CNKSR2: variants seen among roughly 807,000 people sequenced by gnomAD.
CNKSR2 encodes connector enhancer of kinase suppressor of Ras 2.
Under a neutral mutation model 84.4 loss-of-function variants are expected in CNKSR2, and 14 were observed. The ratio of observed to expected loss-of-function variants is 0.17; its 90% CI spans 0.11 to 0.26. The LOEUF is 0.26. Among genes scored for constraint, CNKSR2 ranks in the 10% least tolerant of loss-of-function variants. The pLI, the probability that CNKSR2 is intolerant of heterozygous loss-of-function variation, is 1.00. For synonymous variants in CNKSR2, 275 were observed against 277.9 expected (o/e 0.99, Z 0.10); for missense variants, 485 against 771.2 (o/e 0.63, Z 4.40).
chrX:21,376,015 A>G (rs978687688), intron 1 of CNKSR2, among the ~76,000 whole-genome samples: 1 of 111,994 alleles, frequency 8.9e-6, no homozygotes, highest in African/African-American at 3.3e-5. Flanking sequence ...ATGCGTGGCC[A>G]CACTTGGGAA....
At chrX:21,416,718 A>G (rs2090427425) in intron 1 of CNKSR2, among the ~76,000 whole-genome samples, 1 of 111,410 alleles carries the variant, frequency 9.0e-6, no homozygotes, top group Non-Finnish European at 1.9e-5. Flanking sequence ...GTTTATCAGC[A>G]TGTAGTTTCT....
At chrX:21,464,589 G>A (rs970881005) in intron 4 of CNKSR2, among the ~76,000 whole-genome samples, 1 of 111,426 alleles carries the variant, frequency 9.0e-6, no homozygotes, top group Non-Finnish European at 1.9e-5. Context: ...CCATAACTGA[G>A]ATATGGCACA....
intron 20 of CNKSR2, among the ~76,000 whole-genome samples, chrX:21,639,828 T>C (rs1356612148): frequency 9.0e-6 from 1 of 111,435 alleles, no homozygotes; most frequent in Non-Finnish European, 1.9e-5. Context: ...AAAATGCAGA[T>C]TCCTGAGTTC....
chrX:21,625,401 A>G (rs1168930422), intron 20 of CNKSR2, among the ~76,000 whole-genome samples: 2 of 112,255 alleles, frequency 1.8e-5, no homozygotes, highest in South Asian at 3.6e-4. Context: ...GTATCAAGCA[A>G]TTTGGCTGCA....
intron 13 of CNKSR2, among the ~76,000 whole-genome samples, chrX:21,575,749 T>C (rs894648793): frequency 9.0e-6 from 1 of 111,639 alleles, no homozygotes; most frequent in African/African-American, 3.3e-5. Context: ...ATACAGTCTT[T>C]AGCCAACGGA....
Position 21,399,292 on chromosome X carries a change from C to A in CNKSR2, c.64+24331C>A, listed in dbSNP as rs1202519583. Among the ~76,000 whole-genome samples the A allele has an allele frequency of 2.7e-5, 3 of 111,062 alleles. No homozygotes were observed. In the East Asian group the frequency reaches 8.5e-4, roughly 31 times the overall value. On this transcript the variant is annotated intron_variant, in intron 1 of 21. Coordinates refer to ENST00000379510, the MANE Select transcript of CNKSR2 (RefSeq NM_014927.5). Reference sequence around the variant, plus strand: ...ACTTAAAATAAGTACCTATAAAAAACAAAATCTTTAATCCAATGGCTACTT... The same window carrying A: ...ACTTAAAATAAGTACCTATAAAAAAAAAAATCTTTAATCCAATGGCTACTT...
At chrX:21,475,413 T>C (rs2091250328) in intron 5 of CNKSR2, among the ~76,000 whole-genome samples, 1 of 112,106 alleles carries the variant, frequency 8.9e-6, no homozygotes, top group Non-Finnish European at 1.9e-5. Flanking sequence ...ACAGTGCCAG[T>C]AGCCAACCAT....
At chrX:21,647,907 C>A (rs2092710544) in intron 20 of CNKSR2, among the ~76,000 whole-genome samples, 1 of 111,354 alleles carries the variant, frequency 9.0e-6, no homozygotes, top group Admixed American at 9.5e-5. Context: ...TCCAATCTAC[C>A]ACTCCAAGCA....
At chrX:21,502,864 A>G in intron 8 of CNKSR2, among the ~76,000 whole-genome samples, 1 of 111,648 alleles carries the variant, frequency 9.0e-6, no homozygotes, top group East Asian at 2.8e-4. Flanking sequence ...GAAACTGTAC[A>G]AAGTAGTTGT....
rs370499061 is a variant in CNKSR2 at position 21,555,746 on chromosome X, T to C, written c.1304-5725T>C. Among the ~76,000 whole-genome samples the C allele has an allele frequency of 3.6e-5, 4 of 111,777 alleles. No individual in the cohort carries two copies. The East Asian group carries it at 1.1e-3, about 31-fold the overall frequency. On this transcript the variant is annotated intron_variant, in intron 11 of 21. Transcript: ENST00000379510. ...TCTAGAGAAAGCTTTTTTGTGAACATTAAAGGGCATGTCAGACTTATGGAG... is the reference window on the plus strand; with the variant it reads ...TCTAGAGAAAGCTTTTTTGTGAACACTAAAGGGCATGTCAGACTTATGGAG...
intron 20 of CNKSR2, among the ~76,000 whole-genome samples, chrX:21,620,555 A>G (rs185323410): frequency 1.3e-4 from 14 of 110,887 alleles, no homozygotes; most frequent in African/African-American, 4.6e-4. Context: ...CTCTGCTTGA[A>G]TATTTTAAAG....
intron 6 of CNKSR2, chrX:21,493,868 A>G (rs2091466689): frequency 8.9e-6 from 1 of 111,934 alleles, no homozygotes; most frequent in African/African-American, 3.2e-5. Context: ...AAGCAGTTAC[A>G]ACATGGTTTA....
chrX:21,379,770 A>T (rs927815502), intron 1 of CNKSR2, among the ~76,000 whole-genome samples: 23 of 111,672 alleles, frequency 2.1e-4, no homozygotes, highest in Non-Finnish European at 4.1e-4. Flanking sequence ...TTAGGCAAAG[A>T]CAGAGAGAGG....
intron 20 of CNKSR2, among the ~76,000 whole-genome samples, chrX:21,636,677 C>T (rs1199346884): frequency 9.0e-6 from 1 of 110,658 alleles, no homozygotes; most frequent in Non-Finnish European, 1.9e-5. Flanking sequence ...AAGTCAAATA[C>T]AGTAGATAAT....
chrX:21,472,861 A>G (rs12843840), intron 5 of CNKSR2, among the ~76,000 whole-genome samples: 13 of 111,447 alleles, frequency 1.2e-4, no homozygotes, highest in Non-Finnish European at 2.1e-4. Context: ...TTAATTAATT[A>G]GACTAAGGAA....
intron 11 of CNKSR2, among the ~76,000 whole-genome samples, chrX:21,535,743 T>C (rs962778332): frequency 9.0e-6 from 1 of 111,627 alleles, no homozygotes; most frequent in African/African-American, 3.2e-5. Context: ...TTGAAGTTCT[T>C]AATCAGTTCT....
intron 11 of CNKSR2, among the ~76,000 whole-genome samples, chrX:21,555,615 A>G (rs376159551): frequency 1.8e-5 from 2 of 111,376 alleles, no homozygotes; most frequent in Non-Finnish European, 3.8e-5. Flanking sequence ...TGATGGGTGT[A>G]TGTGGCAAGC....
At chrX:21,483,263 G>T (rs900762844) in intron 5 of CNKSR2, among the ~76,000 whole-genome samples, 2 of 111,258 alleles carry the variant, frequency 1.8e-5, no homozygotes, top group Non-Finnish European at 3.8e-5. Flanking sequence ...CACGTCCTTT[G>T]TAGGGACATG....
intron 1 of CNKSR2, among the ~76,000 whole-genome samples, chrX:21,420,640 G>C (rs191923587): frequency 9.0e-6 from 1 of 110,626 alleles, no homozygotes; most frequent in African/African-American, 3.3e-5. Flanking sequence ...GCCAGGATGG[G>C]GTCATTCCCT....
Sources: gnomAD v4.1 joint callset for allele counts (sites outside exome capture counted in the v4.1 genomes callset) on GRCh38, gnomAD v4.1.1 for gene constraint, MANE v1.5 for transcripts, NCBI Gene and HGNC (gene_info 2026-07-23, HGNC 2026-07-21) for gene names.